Variants in COL28A1 observed in about 807,000 individuals in gnomAD.
COL28A1 encodes the protein collagen type XXVIII alpha 1 chain.
COL28A1 carries 161 observed loss-of-function variants against 150.2 expected under a neutral mutation model. The ratio of observed to expected loss-of-function variants is 1.07; its 90% CI spans 0.94 to 1.22. The LOEUF (loss-of-function observed/expected upper bound fraction) is 1.22, where lower values mean the gene tolerates loss of function less well. Among genes scored for constraint, COL28A1 ranks in the 50% most tolerant of loss-of-function variants. COL28A1 has a pLI of 0.00. For missense variants in COL28A1, 1,617 were observed against 1,388.3 expected, an observed-to-expected ratio of 1.16 and a Z score of -2.62; for synonymous variants, 552 against 469.7, an observed-to-expected ratio of 1.18 and a Z score of -2.26.
At chr7:7,534,627 G>C (rs1782545712) in intron 1 of COL28A1, among the ~76,000 whole-genome samples, 1 of 152,098 alleles carries the variant, frequency 6.6e-6, no homozygotes, top group Non-Finnish European at 1.5e-5. Flanking sequence ...ACATAATCAA[G>C]CAACTCTTCA....
In COL28A1 at chr7:7,477,087, T is replaced by C. The variant is rs370767982; in HGVS notation, c.1233+25A>G. ...ACGAGCATGTAAGACAAAGCACCTT[T>C]TCCTGGTACAGAAGGTATTGTTACC... On this transcript the variant is annotated intron_variant, in intron 14 of 34. Transcript: ENST00000399429. 538 of 955,336 alleles carry C rather than the reference T, an allele frequency of 5.6e-4. 7 individuals are homozygous for C. Among genetic ancestry groups the C allele is most frequent in the South Asian group, 5.0e-3 (389 of 77,634 alleles). The allele number at this position is 955,336 out of a possible 1,614,324, so 59.2% of individuals were successfully genotyped here.
At chr7:7,527,578 G>A (rs536783994) in intron 3 of COL28A1, among the ~76,000 whole-genome samples, 27 of 152,206 alleles carry the variant, frequency 1.8e-4, no homozygotes, top group Non-Finnish European at 1.6e-4. Flanking sequence ...CAGGGAAGCA[G>A]GCTGCAAGGA....
intron 32 of COL28A1, 53 bp from the exon 33 acceptor site, chr7:7,370,935 TA>T (rs1781195674): frequency 8.0e-7 from 1 of 1,246,266 alleles, no homozygotes; most frequent in Non-Finnish European, 1.1e-6. Flanking sequence ...AAACAATACT[TA>T]AAACTCATTT....
intron 21 of COL28A1, among the ~76,000 whole-genome samples, chr7:7,438,623 C>T (rs887061777): frequency 2.0e-5 from 3 of 152,218 alleles, no homozygotes; most frequent in African/African-American, 7.2e-5. Context: ...GAAAATATTA[C>T]AACTTGTCTC....
chr7:7,485,022 G>A (rs906548048), intron 13 of COL28A1, among the ~76,000 whole-genome samples: 1 of 152,050 alleles, frequency 6.6e-6, no homozygotes, highest in Admixed American at 6.6e-5. Flanking sequence ...TGCCTATCAG[G>A]TACTATGCTT....
At chr7:7,497,011 C>T (rs1275479300) in intron 11 of COL28A1, among the ~76,000 whole-genome samples, 7 of 145,904 alleles carry the variant, frequency 4.8e-5, no homozygotes, top group East Asian at 2.0e-4. Context: ...GTCAAGAAAG[C>T]CTCCTTTTGG....
chr7:7,534,172 C>A (rs1299384282), intron 1 of COL28A1, among the ~76,000 whole-genome samples: 1 of 152,128 alleles, frequency 6.6e-6, no homozygotes, highest in East Asian at 1.9e-4. Flanking sequence ...ATAGCATCAT[C>A]CAGCTGGAAG....
chr7:7,520,711 G>A (rs1487258916), intron 5 of COL28A1, among the ~76,000 whole-genome samples: 16 of 152,178 alleles, frequency 1.1e-4, no homozygotes, highest in Admixed American at 1.0e-3. Context: ...AACATATTCT[G>A]TGGCTTATCC....
chr7:7,341,515 A>T, the COL28A1 span, among the ~76,000 whole-genome samples: 5,105 of 152,006 alleles, frequency 0.034, 292 homozygotes, highest in African/African-American at 0.12. Context: ...GGCTCAAGTG[A>T]TCCTCCCATC....
At chr7:7,363,980 T>A (rs1780805478) in intron 33 of COL28A1, among the ~76,000 whole-genome samples, 1 of 151,998 alleles carries the variant, frequency 6.6e-6, no homozygotes, top group African/African-American at 2.4e-5. Context: ...CTTCCACTAC[T>A]CCCAGAATAT....
chr7:7,363,682 TTG>T (rs1255677283), intron 33 of COL28A1, among the ~76,000 whole-genome samples: 2 of 152,074 alleles, frequency 1.3e-5, no homozygotes, highest in African/African-American at 4.8e-5. Context: ...CATTTTTTTG[TTG>T]TTGTTGTTGT....
At chr7:7,359,670 A>G (rs1350933674) in intron 34 of COL28A1, among the ~76,000 whole-genome samples, 1 of 152,202 alleles carries the variant, frequency 6.6e-6, no homozygotes, top group African/African-American at 2.4e-5. Flanking sequence ...TGCAATAGCT[A>G]AACCAGCACT....
chr7:7,494,022 A>C (rs1335163526), intron 11 of COL28A1, among the ~76,000 whole-genome samples: 1 of 152,152 alleles, frequency 6.6e-6, no homozygotes, highest in Non-Finnish European at 1.5e-5. Context: ...TATGTTTCTC[A>C]TTACCTCCAT....
At chr7:7,531,238 TAA>T (rs1472259219) in intron 3 of COL28A1, 108 bp downstream of exon 3, 1 of 528,442 alleles carries the variant, frequency 1.9e-6, no homozygotes, top group African/African-American at 2.0e-5. Context: ...TTTTCAGTGT[TAA>T]CTCTCATTTT....
chr7:7,415,994 G>A (rs1215281760), intron 27 of COL28A1, among the ~76,000 whole-genome samples: 2 of 152,068 alleles, frequency 1.3e-5, no homozygotes, highest in Non-Finnish European at 2.9e-5. Flanking sequence ...GTAGACACGG[G>A]GTTTCACCAT....
rs1780583030 is a variant in COL28A1, at chr7:7,360,390, C to T, written c.3205G>A (p.Asp1069Asn). The T allele has an allele frequency of 2.6e-6, 4 of 1,567,948 alleles. No individual in the cohort carries two copies. In the South Asian group the frequency reaches 3.6e-5, roughly 14 times the overall value. Residue 1069 changes from aspartate (D) to asparagine (N), a missense_variant and splice_region_variant, in exon 34 of 35, where the codon GAT becomes AAT. Coordinates refer to ENST00000399429, the MANE Select transcript of COL28A1 (RefSeq NM_001037763.3). ...LLSTPVDGAE[D>N]PRCLEALKPG... ...GGACTTGGAGTTCTGGTTTACCTAC[C>T]CTCTGCCCCATCCACAGGGGTGCTG...
In COL28A1 at chr7:7,531,696, C is replaced by T; in HGVS notation, c.333G>A (p.Trp111Ter). 6.3e-7 allele frequency: 1 copy of T among 1,594,652 alleles called. No individual in the cohort carries two copies. The highest frequency in any genetic ancestry group is 8.6e-7 in the Non-Finnish European group (1 of 1,162,248). The change falls in exon 3 of 35, where the codon TGG (tryptophan) becomes TGA (stop). Residue 111 changes from tryptophan (W) to a stop codon, truncating the protein, a stop_gained. Transcript: ENST00000399429. LOFTEE classifies it high-confidence loss of function. ...TCTGCTTAAATGTCTGCAGGTCCTT[C>T]CAGGAAGAAAAAGGTGGATCAATTT... ...SVQIDPPFSS[W>*]KDLQTFKQKV...
chr7:7,471,913 A>G (rs116940537), intron 15 of COL28A1, among the ~76,000 whole-genome samples: 14,886 of 152,166 alleles, frequency 0.098, 901 homozygotes, highest in Middle Eastern at 0.21. Flanking sequence ...AAAACAAGAA[A>G]CAAAAATCAC....
At chr7:7,539,637 T>A (rs146027434), upstream of COL28A1, among the ~76,000 whole-genome samples, 4 of 152,294 alleles carry the variant, frequency 2.6e-5, no homozygotes, top group African/African-American at 9.6e-5. Context: ...ATAAAAATTA[T>A]CATTGGTAAT....
Sources: allele counts gnomAD v4.1 joint callset (sites outside exome capture counted in the v4.1 genomes callset), GRCh38; gene constraint gnomAD v4.1.1; transcripts MANE v1.5; gene names NCBI Gene and HGNC (gene_info 2026-07-23, HGNC 2026-07-21).